Variants in KCNMA1 observed in about 807,000 individuals in gnomAD.
KCNMA1 encodes Calcium-activated potassium channel subunit alpha-1.
In KCNMA1, 29 loss-of-function variants were observed where a neutral mutation model predicts 140.0. That is an observed-to-expected ratio of 0.21 (90% confidence interval 0.15 to 0.28). The LOEUF (loss-of-function observed/expected upper bound fraction) is 0.28, where lower values mean the gene tolerates loss of function less well. Among genes scored for constraint, KCNMA1 ranks in the 10% least tolerant of loss-of-function variants. KCNMA1 has a pLI of 1.00. For synonymous variants in KCNMA1, 612 were observed against 611.9 expected (o/e 1.00, Z 0.00); for missense variants, 880 against 1,602.2 (o/e 0.55, Z 7.70).
intron 23 of KCNMA1, among the ~76,000 whole-genome samples, chr10:76,920,196 T>C (rs2055127551): frequency 6.6e-6 from 1 of 151,280 alleles, no homozygotes; most frequent in African/African-American, 2.4e-5. Flanking sequence ...GCATTGTTTT[T>C]ATGAGACTCA....
intron 3 of KCNMA1, among the ~76,000 whole-genome samples, chr10:77,187,431 G>A (rs1191908586): frequency 6.6e-6 from 1 of 152,184 alleles, no homozygotes; most frequent in Non-Finnish European, 1.5e-5. Flanking sequence ...AACACCCCTG[G>A]TTTACAGGAA....
intron 3 of KCNMA1, among the ~76,000 whole-genome samples, chr10:77,189,179 A>G (rs1248936296): frequency 3.3e-5 from 5 of 152,026 alleles, no homozygotes; most frequent in Non-Finnish European, 7.4e-5. Flanking sequence ...CTTATCTGGG[A>G]ACACCGCTTT....
chr10:76,920,647 G>C (rs1487032759), intron 23 of KCNMA1, among the ~76,000 whole-genome samples: 1 of 152,214 alleles, frequency 6.6e-6, no homozygotes, highest in Admixed American at 6.5e-5. Context: ...AGGAAAATAA[G>C]ATTCAGAGCA....
At chr10:77,296,861 A>T (rs1263498783) in intron 2 of KCNMA1, among the ~76,000 whole-genome samples, 1 of 142,552 alleles carries the variant, frequency 7.0e-6, no homozygotes, top group Non-Finnish European at 1.5e-5. Context: ...CTACCTGCCG[A>T]TCTGCTCCAA....
chr10:76,952,508 T>C (rs1477628095), intron 21 of KCNMA1, among the ~76,000 whole-genome samples: 1 of 152,114 alleles, frequency 6.6e-6, no homozygotes, highest in Non-Finnish European at 1.5e-5. Flanking sequence ...AGAGCGAGAC[T>C]CTGTCTCAAA....
intron 3 of KCNMA1, among the ~76,000 whole-genome samples, chr10:77,232,803 G>A (rs952989880): frequency 6.6e-6 from 1 of 151,776 alleles, no homozygotes; most frequent in African/African-American, 2.4e-5. Context: ...CTCACATGTA[G>A]ATCTTTGATC....
intron 1 of KCNMA1, among the ~76,000 whole-genome samples, chr10:77,443,659 C>T (rs1010885748): frequency 1.3e-5 from 2 of 152,170 alleles, no homozygotes; most frequent in African/African-American, 2.4e-5. Context: ...TTTCCTTTAA[C>T]CTTTCTGAGC....
chr10:77,052,883 G>GGGA (rs2095419806), intron 14 of KCNMA1, among the ~76,000 whole-genome samples: 1 of 152,132 alleles, frequency 6.6e-6, no homozygotes, highest in Non-Finnish European at 1.5e-5. Context: ...CATGCCATTT[G>GGGA]GGAGGAGGAG....
At chr10:77,025,947 G>T (rs985242029) in intron 16 of KCNMA1, among the ~76,000 whole-genome samples, 1 of 144,738 alleles carries the variant, frequency 6.9e-6, no homozygotes, top group Non-Finnish European at 1.5e-5. Context: ...CACAAAGAAA[G>T]CCCAAACAAA....
At chr10:77,472,198 CCACA>C (rs372536352) in intron 1 of KCNMA1, among the ~76,000 whole-genome samples, 2 of 150,488 alleles carry the variant, frequency 1.3e-5, no homozygotes, top group South Asian at 2.1e-4. Context: ...CACAAATACA[CCACA>C]CACACACACA....
chr10:77,206,681 C>T (rs1224088939), intron 3 of KCNMA1, among the ~76,000 whole-genome samples: 1 of 152,062 alleles, frequency 6.6e-6, no homozygotes, highest in Non-Finnish European at 1.5e-5. Flanking sequence ...AAGCAGAAAA[C>T]ATGTGTGTTT....
intron 1 of KCNMA1, among the ~76,000 whole-genome samples, chr10:77,492,755 C>A (rs1466988699): frequency 6.6e-6 from 1 of 152,136 alleles, no homozygotes; most frequent in Non-Finnish European, 1.5e-5. Context: ...TTATATGATC[C>A]CTTTACAGAT....
chr10:77,090,512 T>A lies in KCNMA1; in HGVS notation c.1224-2A>T. ...ATGTGTCCGCAGACCACAATGTGCC[T>A]GAACAGGAGAGGCCAGTTAGATCAG... On this transcript the variant is annotated splice_acceptor_variant, in intron 9 of 27. Coordinates refer to ENST00000286628, the MANE Select transcript of KCNMA1 (RefSeq NM_001161352.2). LOFTEE classifies it high-confidence loss of function. The A allele has an allele frequency of 6.2e-7, 1 of 1,605,912 alleles. No homozygotes were observed. The highest frequency in any genetic ancestry group is 8.5e-7 in the Non-Finnish European group (1 of 1,172,524).
intron 5 of KCNMA1, among the ~76,000 whole-genome samples, chr10:77,180,592 G>A (rs986714918): frequency 1.3e-5 from 2 of 152,104 alleles, no homozygotes; most frequent in Admixed American, 6.5e-5. Context: ...TAACCATACC[G>A]TATCATTTAC....
In KCNMA1 at chr10:77,270,512, TTCTC is replaced by T. The variant is rs747208826; in HGVS notation, c.541-19260_541-19257del. Among the ~76,000 whole-genome samples, 879 of 151,414 alleles carry T rather than the reference TTCTC, an allele frequency of 5.8e-3. 12 individuals are homozygous for T. The highest frequency in any genetic ancestry group is 0.02 in the African/African-American group (830 of 41,252). ...TTTCCTTTCTTTCTTTTCTTTTCTT[TTCTC>T]TCTCTCTCTCTTTCTTTTTTTTTTT... On this transcript the variant is annotated intron_variant, in intron 2 of 27. Transcript: ENST00000286628.
chr10:76,913,828 TG>T, intron 24 of KCNMA1: 1 of 497,626 alleles, frequency 2.0e-6, no homozygotes, highest in Non-Finnish European at 3.5e-6. Context: ...CCAGGTCAGA[TG>T]GGTGTGATCA....
chr10:77,572,549 C>T (rs1282286890), intron 1 of KCNMA1, among the ~76,000 whole-genome samples: 1 of 70,286 alleles, frequency 1.4e-5, no homozygotes, highest in East Asian at 6.2e-4. Flanking sequence ...AACTCTGTCG[C>T]TCCAAAAAAA....
intron 2 of KCNMA1, among the ~76,000 whole-genome samples, chr10:77,275,588 C>T (rs543793348): frequency 7.2e-4 from 109 of 152,184 alleles, no homozygotes; most frequent in Non-Finnish European, 1.2e-3. Flanking sequence ...GTCTGCCTTC[C>T]ATTGCCATAG....
chr10:76,905,212 G>T (rs1314231943), intron 25 of KCNMA1: 1 of 152,210 alleles, frequency 6.6e-6, no homozygotes, highest in Non-Finnish European at 1.5e-5. Flanking sequence ...TTAGAAACAA[G>T]ATATCAAGCC....
Sources: gnomAD v4.1 joint callset for allele counts (sites outside exome capture counted in the v4.1 genomes callset) on GRCh38, gnomAD v4.1.1 for gene constraint, MANE v1.5 for transcripts, NCBI Gene and HGNC (gene_info 2026-07-23, HGNC 2026-07-21) for gene names.